The following RABGAP1L variants were observed in gnomAD, a reference collection of about 807,000 sequenced individuals.
RABGAP1L encodes the protein RAB GTPase activating protein 1 like.
RABGAP1L carries 63 observed loss-of-function variants against 137.7 expected under a neutral mutation model. That is an observed-to-expected ratio of 0.46 (90% confidence interval 0.37 to 0.56). The LOEUF (loss-of-function observed/expected upper bound fraction) is 0.56. RABGAP1L is among the 20% of genes least tolerant of loss of function. The probability of loss-of-function intolerance (pLI) is 0.00; values close to 1 mark genes in which losing one functional copy is unlikely to be tolerated. For synonymous variants in RABGAP1L, 431 were observed against 433.7 expected (o/e 0.99, Z 0.08); for missense variants, 1,095 against 1,244.0 (o/e 0.88, Z 1.80).
chr1:174,432,049 T>C (rs1205838503), intron 13 of RABGAP1L, among the ~76,000 whole-genome samples: 1 of 152,178 alleles, frequency 6.6e-6, no homozygotes, highest in Non-Finnish European at 1.5e-5. Context: ...TGGGGTATGG[T>C]TGATCCCTTC....
At chr1:174,621,052 C>A (rs1010847592) in intron 13 of RABGAP1L, among the ~76,000 whole-genome samples, 6 of 152,094 alleles carry the variant, frequency 3.9e-5, no homozygotes, top group Non-Finnish European at 5.9e-5. Flanking sequence ...GGATAAATTC[C>A]TCGACACATA....
At chr1:174,979,351 C>T (rs769239599) in intron 23 of RABGAP1L, among the ~76,000 whole-genome samples, 1 of 152,136 alleles carries the variant, frequency 6.6e-6, no homozygotes, top group Non-Finnish European at 1.5e-5. Flanking sequence ...TAACTTATTA[C>T]TTATAGCTTA....
At chr1:174,428,158 ATAT>A (rs1652179000) in intron 13 of RABGAP1L, among the ~76,000 whole-genome samples, 1 of 152,228 alleles carries the variant, frequency 6.6e-6, no homozygotes, top group Non-Finnish European at 1.5e-5. Flanking sequence ...CTGTTACAAC[ATAT>A]TATGAGATCT....
chr1:174,770,753 C>T (rs999351156), intron 18 of RABGAP1L, among the ~76,000 whole-genome samples: 2 of 152,214 alleles, frequency 1.3e-5, no homozygotes, highest in Non-Finnish European at 2.9e-5. Context: ...GTTCTGCCCC[C>T]ATTCCAAGGC....
At chr1:174,505,211 T>C (rs1204709250) in intron 13 of RABGAP1L, among the ~76,000 whole-genome samples, 1 of 152,180 alleles carries the variant, frequency 6.6e-6, no homozygotes, top group East Asian at 1.9e-4. Context: ...TTTGACTCCT[T>C]GAGGAGCCTT....
intron 13 of RABGAP1L, among the ~76,000 whole-genome samples, chr1:174,634,909 G>A (rs1423371846): frequency 1.4e-5 from 2 of 141,538 alleles, no homozygotes; most frequent in African/African-American, 2.6e-5. Context: ...GGGAGGGATA[G>A]CATTGGGAGA....
chr1:174,923,034 G>T (rs113007603), intron 19 of RABGAP1L, among the ~76,000 whole-genome samples: 68 of 152,058 alleles, frequency 4.5e-4, no homozygotes, highest in African/African-American at 1.5e-3. Flanking sequence ...AGCCAAGTAT[G>T]GTGGCACATG....
chr1:174,515,288 A>T (rs981765506), intron 13 of RABGAP1L, among the ~76,000 whole-genome samples: 18 of 152,150 alleles, frequency 1.2e-4, no homozygotes, highest in Admixed American at 5.9e-4. Context: ...GGGAAGTAAA[A>T]TTATCTGCTC....
chr1:174,432,364 CAT>C, intron 13 of RABGAP1L, among the ~76,000 whole-genome samples: 1 of 152,218 alleles, frequency 6.6e-6, no homozygotes, highest in African/African-American at 2.4e-5. Context: ...TAGCATAAAA[CAT>C]AATATTAAAA....
At chr1:174,314,380 T>C (rs1462791712) in intron 11 of RABGAP1L, among the ~76,000 whole-genome samples, 1 of 152,168 alleles carries the variant, frequency 6.6e-6, no homozygotes, top group Non-Finnish European at 1.5e-5. Flanking sequence ...TCTGATCTTA[T>C]TTATCTGTAT....
chr1:174,490,928 G>A (rs1660160568), intron 13 of RABGAP1L, among the ~76,000 whole-genome samples: 1 of 152,058 alleles, frequency 6.6e-6, no homozygotes, highest in South Asian at 2.1e-4. Flanking sequence ...GTCAGCTTAT[G>A]GTGAATGTTG....
intron 24 of RABGAP1L, among the ~76,000 whole-genome samples, chr1:174,987,310 G>A (rs1318840017): frequency 6.6e-6 from 1 of 152,086 alleles, no homozygotes; most frequent in East Asian, 1.9e-4. Context: ...GGGACTATAG[G>A]TGCCCGCCAC....
intron 14 of RABGAP1L, among the ~76,000 whole-genome samples, chr1:174,649,507 T>C (rs1031391607): frequency 2.6e-5 from 4 of 152,112 alleles, no homozygotes; most frequent in African/African-American, 7.2e-5. Flanking sequence ...TTCTTTTCTT[T>C]AAGAATGTTG....
At chr1:174,693,518 A>G (rs753995515) in intron 15 of RABGAP1L, among the ~76,000 whole-genome samples, 1 of 152,208 alleles carries the variant, frequency 6.6e-6, no homozygotes, top group African/African-American at 2.4e-5. Flanking sequence ...ACATTGTTTT[A>G]TCTGTATGAT....
At chr1:174,711,448 C>T (rs771965491) in intron 17 of RABGAP1L, among the ~76,000 whole-genome samples, 9 of 152,020 alleles carry the variant, frequency 5.9e-5, no homozygotes, top group Non-Finnish European at 1.3e-4. Flanking sequence ...CGGGCCAGAA[C>T]GAGTTCCAGG....
chr1:174,973,994 T>G lies in RABGAP1L; in HGVS notation c.2545-2084T>G, dbSNP rs978584514. On this transcript the variant is annotated intron_variant, in intron 21 of 25. Coordinates refer to ENST00000681986, the MANE Select transcript of RABGAP1L (RefSeq NM_001366446.1). Reference sequence around the variant, plus strand: ...ATTGTTTTTTGTTTTTTTTTTTTTTTTTTTTTTTTTTTGAGACGGAGTCTC... The same window carrying G: ...ATTGTTTTTTGTTTTTTTTTTTTTTGTTTTTTTTTTTTGAGACGGAGTCTC... Among the ~76,000 whole-genome samples the G allele has an allele frequency of 2.5e-3, 327 of 131,424 alleles. 9 individuals are homozygous for G. Among genetic ancestry groups the G allele is most frequent in the African/African-American group, 8.5e-3 (311 of 36,444 alleles). 86.2% of individuals were successfully genotyped at this position (131,424 alleles called of 152,430 possible). A position where few individuals can be genotyped will look rare whatever the true frequency, so the allele number is the denominator to read the frequency against.
intron 13 of RABGAP1L, among the ~76,000 whole-genome samples, chr1:174,516,120 T>TATACACACAC (rs763907969): frequency 4.4e-4 from 58 of 133,232 alleles, no homozygotes; most frequent in African/African-American, 1.7e-3. Flanking sequence ...ACTGAAGCTC[T>TATACACACAC]ACACACACAC....
chr1:174,173,449 G>A (rs1264086165), intron 1 of RABGAP1L, among the ~76,000 whole-genome samples: 1 of 152,076 alleles, frequency 6.6e-6, no homozygotes, highest in Non-Finnish European at 1.5e-5. Context: ...ATTTTTTAGA[G>A]GATGGGGTGG....
chr1:174,963,171 CTG>C (rs1372263564), intron 20 of RABGAP1L, among the ~76,000 whole-genome samples: 1 of 151,734 alleles, frequency 6.6e-6, no homozygotes, highest in African/African-American at 2.4e-5. Context: ...ATCCCAAAAA[CTG>C]TGTTGGCTTT....
Sources: gnomAD v4.1 joint callset for allele counts (sites outside exome capture counted in the v4.1 genomes callset) on GRCh38, gnomAD v4.1.1 for gene constraint, MANE v1.5 for transcripts, NCBI Gene and HGNC (gene_info 2026-07-23, HGNC 2026-07-21) for gene names.